The following PDE3A variants were observed in gnomAD, a reference collection of about 807,000 sequenced individuals.
PDE3A encodes the protein phosphodiesterase 3A.
Under a neutral mutation model 98.3 loss-of-function variants are expected in PDE3A, and 43 were observed. The ratio of observed to expected loss-of-function variants is 0.44; its 90% CI spans 0.34 to 0.56. The LOEUF (loss-of-function observed/expected upper bound fraction) is 0.56. Ranked by LOEUF, PDE3A falls within the 20% of genes least tolerant of loss-of-function variation. The pLI is 0.01. For synonymous variants in PDE3A, 663 were observed against 567.9 expected (o/e 1.17, Z -2.38); for missense variants, 1,427 against 1,440.7 (o/e 0.99, Z 0.15).
Position 20,370,174 on chromosome 12 carries a change from C to T in PDE3A, c.890C>T (p.Ser297Phe). 1.2e-6 allele frequency: 2 copies of T among 1,611,952 alleles called. No homozygotes were observed. The highest frequency in any genetic ancestry group is 1.7e-6 in the Non-Finnish European group (2 of 1,179,238). ...AGGAGGCGGTCCAGCTCCGTCGTGT[C>T]CGCCGAGATGTCCGGCTGCAGCAGC... ...KRRRRSSSVVSAEMSGCSSKS... is the reference protein window; with the variant it reads ...KRRRRSSSVVFAEMSGCSSKS... Residue 297 changes from serine to phenylalanine, a missense_variant, in exon 1 of 16, where the codon TCC becomes TTC. Ser to Phe is a radical substitution (Grantham distance 155, BLOSUM62 -2). This residue lies in a region of PDE3A where 1,012 missense variants were observed against 886.5 expected (regional missense o/e 1.14). Coordinates refer to ENST00000359062, the MANE Select transcript of PDE3A (RefSeq NM_000921.5).
chr12:20,369,294 C>G lies in PDE3A; in HGVS notation c.10C>G (p.Pro4Ala). MAV[P>A]GDAARVRDKP... is the part of the protein sequence containing the mutation. ...GAGGGCACCCTATACCATGGCAGTG[C>G]CCGGCGACGCTGCACGAGTCAGGGA... Residue 4 changes from proline to alanine, a missense_variant, in exon 1 of 16, where the codon CCC becomes GCC. Around this residue, in one of 3 missense-constraint regions of PDE3A, gnomAD observed 1,012 missense variants for 886.5 expected, o/e 1.14. Coordinates refer to ENST00000359062, the MANE Select transcript of PDE3A (RefSeq NM_000921.5). 6.6e-7 allele frequency: 1 copy of G among 1,518,842 alleles called. No individual in the cohort carries two copies. The highest frequency in any genetic ancestry group is 8.9e-7 in the Non-Finnish European group (1 of 1,128,678). The allele number at this position is 1,518,842 out of a possible 1,614,324, so 94.1% of individuals were successfully genotyped here. A position where few individuals can be genotyped will look rare whatever the true frequency, so the allele number is the denominator to read the frequency against.
chr12:20,385,994 AAATAT>A (rs1321690387), intron 1 of PDE3A, among the ~76,000 whole-genome samples: 2 of 91,562 alleles, frequency 2.2e-5, no homozygotes, highest in African/African-American at 1.1e-4. Flanking sequence ...AATATATATA[AAATAT>A]ATATATAAAT....
Position 20,683,581 on chromosome 12 carries a change from A to G in PDE3A, c.*3310A>G, listed in dbSNP as rs1326405699. ...TTCCGGTTATATATCTATCTAAATT[A>G]ACCTTTAAAATATTGGTTTCCTTGA... On this transcript the variant is annotated 3_prime_UTR_variant, in exon 16 of 16. Coordinates refer to ENST00000359062, the MANE Select transcript of PDE3A (RefSeq NM_000921.5). The G allele has an allele frequency of 1.3e-5, 2 of 152,148 alleles. No individual in the cohort carries two copies. The highest frequency in any genetic ancestry group is 1.3e-4 in the Admixed American group (2 of 15,274). 9.4% of individuals were successfully genotyped at this position (152,148 alleles called of 1,614,324 possible). A position where few individuals can be genotyped will look rare whatever the true frequency, so the allele number is the denominator to read the frequency against.
intron 1 of PDE3A, among the ~76,000 whole-genome samples, chr12:20,522,024 A>G (rs1946438780): frequency 6.6e-6 from 1 of 152,086 alleles, no homozygotes; most frequent in South Asian, 2.1e-4. Flanking sequence ...TGTATGGCCC[A>G]TGTTCCATGG....
chr12:20,597,064 C>T (rs185102972), intron 2 of PDE3A, among the ~76,000 whole-genome samples: 33 of 152,270 alleles, frequency 2.2e-4, no homozygotes, highest in African/African-American at 7.5e-4. Flanking sequence ...AATTACATAA[C>T]CTTTTGTGTG....
At chr12:20,487,818 A>G (rs931158835) in intron 1 of PDE3A, among the ~76,000 whole-genome samples, 2 of 152,158 alleles carry the variant, frequency 1.3e-5, no homozygotes, top group African/African-American at 4.8e-5. Context: ...TGGCTCAAAG[A>G]CAATAAAAGC....
At chr12:20,619,505 A>G (rs986804031) in intron 4 of PDE3A, among the ~76,000 whole-genome samples, 3 of 152,072 alleles carry the variant, frequency 2.0e-5, no homozygotes, top group African/African-American at 7.2e-5. Flanking sequence ...TGGGCCACAT[A>G]TACATTACAT....
intron 13 of PDE3A, among the ~76,000 whole-genome samples, chr12:20,649,593 A>G (rs1179360894): frequency 1.3e-5 from 2 of 152,214 alleles, no homozygotes; most frequent in African/African-American, 4.8e-5. Context: ...TTAAGTTATG[A>G]CAATTTTTTA....
At chr12:20,589,969 G>A (rs1309030548) in intron 2 of PDE3A, among the ~76,000 whole-genome samples, 2 of 151,760 alleles carry the variant, frequency 1.3e-5, no homozygotes, top group African/African-American at 4.8e-5. Context: ...GTCATAATAG[G>A]TTACCTACAG....
chr12:20,539,102 A>G (rs995683460), intron 1 of PDE3A, among the ~76,000 whole-genome samples: 4 of 152,156 alleles, frequency 2.6e-5, no homozygotes, highest in Admixed American at 1.3e-4. Flanking sequence ...GAAGATAGAC[A>G]AAAGCAAGTA....
rs79373643 is a variant in PDE3A, at chr12:20,501,511, C to T, written c.961-55149C>T. Among the ~76,000 whole-genome samples the T allele has an allele frequency of 6.9e-3, 1,057 of 152,168 alleles. 11 individuals are homozygous for T. Among genetic ancestry groups the T allele is most frequent in the African/African-American group, 0.025 (1,020 of 41,520 alleles). On this transcript the variant is annotated intron_variant, in intron 1 of 15. Coordinates refer to ENST00000359062, the MANE Select transcript of PDE3A (RefSeq NM_000921.5). ...AATTATTCTGACAACCTTGTTTGTG[C>T]CAAGTTTTTGGTTATTTAAAAGGAG...
chr12:20,568,975 A>G (rs6487106), intron 2 of PDE3A, among the ~76,000 whole-genome samples: 62,847 of 151,774 alleles, frequency 0.41, 13,324 homozygotes, highest in Admixed American at 0.47. Context: ...AGTAATAACT[A>G]TTTTAATACC....
chr12:20,679,813 C>T (rs977134755), intron 15 of PDE3A, among the ~76,000 whole-genome samples: 2 of 150,286 alleles, frequency 1.3e-5, no homozygotes, highest in Non-Finnish European at 3.0e-5. Context: ...TGATTATTGC[C>T]ATCTTCCTCT....
intron 5 of PDE3A, among the ~76,000 whole-genome samples, chr12:20,622,997 AAATTT>A (rs1447521890): frequency 6.6e-6 from 1 of 152,126 alleles, no homozygotes; most frequent in Non-Finnish European, 1.5e-5. Context: ...ATTTAAATTA[AAATTT>A]AATTTAAAAA....
intron 2 of PDE3A, among the ~76,000 whole-genome samples, chr12:20,574,773 C>T (rs1189775780): frequency 1.3e-5 from 2 of 152,010 alleles, no homozygotes; most frequent in Non-Finnish European, 2.9e-5. Context: ...TCACATTTGT[C>T]TCACTGTCCC....
intron 5 of PDE3A, among the ~76,000 whole-genome samples, chr12:20,627,162 A>AC (rs1430528900): frequency 6.6e-6 from 1 of 151,638 alleles, no homozygotes; most frequent in Non-Finnish European, 1.5e-5. Context: ...AAAAAAAAAA[A>AC]AACTGTGTAG....
At chr12:20,372,565 A>C (rs1943495433) in intron 1 of PDE3A, among the ~76,000 whole-genome samples, 1 of 152,134 alleles carries the variant, frequency 6.6e-6, no homozygotes, top group Non-Finnish European at 1.5e-5. Context: ...CTGTGTGAAA[A>C]GTTCAGGAGC....
intron 15 of PDE3A, among the ~76,000 whole-genome samples, chr12:20,667,998 G>A (rs1173872537): frequency 6.6e-6 from 1 of 152,162 alleles, no homozygotes; most frequent in East Asian, 1.9e-4. Flanking sequence ...CGCGCACCGT[G>A]CGCGAGCCAA....
intron 1 of PDE3A, among the ~76,000 whole-genome samples, chr12:20,395,351 T>G (rs2120629191): frequency 6.6e-6 from 1 of 151,976 alleles, no homozygotes; most frequent in Admixed American, 6.6e-5. Context: ...ATAGTATTTA[T>G]ATGGTTATAC....
Sources: allele counts gnomAD v4.1 joint callset (sites outside exome capture counted in the v4.1 genomes callset), GRCh38; gene constraint gnomAD v4.1.1; regional missense constraint gnomAD v4.1.1; transcripts MANE v1.5; gene names NCBI Gene and HGNC (gene_info 2026-07-23, HGNC 2026-07-21).